CD47: variants seen among roughly 807,000 people sequenced by gnomAD.
CD47 encodes the protein CD47 molecule.
Under a neutral mutation model 44.6 loss-of-function variants are expected in CD47, and 11 were observed. That is an observed-to-expected ratio of 0.25 (90% CI 0.16 to 0.41). The LOEUF is 0.41. Among genes scored for constraint, CD47 ranks in the 10% least tolerant of loss-of-function variants. The pLI, the probability that CD47 is intolerant of heterozygous loss-of-function variation, is 1.00. For synonymous variants in CD47, 140 were observed against 136.3 expected, an observed-to-expected ratio of 1.03 and a Z score of -0.19; for missense variants, 306 against 386.7, an observed-to-expected ratio of 0.79 and a Z score of 1.75.
chr3:108,086,706 C>T (rs326346), intron 1 of CD47, among the ~76,000 whole-genome samples: 1 of 151,900 alleles, frequency 6.6e-6, no homozygotes, highest in Non-Finnish European at 1.5e-5. Flanking sequence ...CAGGCAGGAA[C>T]AAGGGCAAGG....
chr3:108,090,977 C>G lies in CD47; in HGVS notation c.-69G>C. 8.5e-7 allele frequency: 1 copy of G among 1,172,790 alleles called. No homozygotes were observed. Among genetic ancestry groups the G allele is most frequent in the South Asian group, 1.8e-5 (1 of 56,412 alleles). The allele number at this position is 1,172,790 out of a possible 1,614,324, so 72.6% of individuals were successfully genotyped here. On this transcript the variant is annotated 5_prime_UTR_variant, in exon 1 of 11. Transcript: ENST00000361309. ...GGAGCAGCAGCCGCCGCCGCCGTTA[C>G]AGGCAGGACCGACCGCCGCCGCGCG... is the stretch of plus-strand genomic sequence containing the variant.
rs777288181 is a variant in CD47, at chr3:108,080,010, G to T, written c.381C>A (p.Ile127=). The part of the protein sequence containing the change: ...TELTREGETI[I]ELKYRVVSWF... The stretch of plus-strand genomic sequence containing the variant: ...TCTTACCAACACGATATTTTAGCTC[G>T]ATGATCGTTTCACCTTCTCTGGTTA... Residue 127 remains isoleucine (I), a synonymous_variant, in exon 2 of 11, where the codon ATC becomes ATA. Coordinates refer to ENST00000361309, the MANE Select transcript of CD47 (RefSeq NM_001777.4). The T allele has an allele frequency of 2.9e-5, 47 of 1,607,028 alleles. No homozygotes were observed. The highest frequency in any genetic ancestry group is 3.8e-5 in the Non-Finnish European group (45 of 1,175,434).
At chr3:108,060,006 A>G (rs1056900071) in intron 4 of CD47, among the ~76,000 whole-genome samples, 2 of 152,180 alleles carry the variant, frequency 1.3e-5, no homozygotes, top group African/African-American at 4.8e-5. Flanking sequence ...GGTGTGCTAT[A>G]GTTATTAGGT....
chr3:108,087,826 T>C (rs1217466834), intron 1 of CD47, among the ~76,000 whole-genome samples: 1 of 152,204 alleles, frequency 6.6e-6, no homozygotes, highest in Admixed American at 6.5e-5. Context: ...GATTTCTGTT[T>C]CAACACTGTA....
At chr3:108,072,346 T>C (rs1358158734) in intron 2 of CD47, among the ~76,000 whole-genome samples, 1 of 152,198 alleles carries the variant, frequency 6.6e-6, no homozygotes, top group Non-Finnish European at 1.5e-5. Flanking sequence ...TTTCACTCCA[T>C]AATGATAGCC....
chr3:108,090,823 G>A, intron 1 of CD47, 40 bp downstream of exon 1: 1 of 1,460,060 alleles, frequency 6.8e-7, no homozygotes. Context: ...CGGGGGCGAA[G>A]CGACAGCAGC....
At chr3:108,066,344 G>C (rs4533660) in intron 3 of CD47, among the ~76,000 whole-genome samples, 1 of 152,150 alleles carries the variant, frequency 6.6e-6, no homozygotes, top group African/African-American at 2.4e-5. Context: ...ATGAATTCCA[G>C]TTACCATGGT....
chr3:108,067,698 T>C (rs1008947612), intron 3 of CD47, among the ~76,000 whole-genome samples: 3 of 152,220 alleles, frequency 2.0e-5, no homozygotes, highest in African/African-American at 7.2e-5. Context: ...GCTTAAAAGT[T>C]CCTAAGTTAA....
At chr3:108,067,437 T>G (rs1387747356) in intron 3 of CD47, among the ~76,000 whole-genome samples, 2 of 152,186 alleles carry the variant, frequency 1.3e-5, no homozygotes, top group Non-Finnish European at 2.9e-5. Flanking sequence ...TGTTAGCCAG[T>G]TCTTTACATA....
Position 108,047,129 on chromosome 3 carries a change from TTAAC to T in CD47, c.*155_*158del, listed in dbSNP as rs546474566. On this transcript the variant is annotated 3_prime_UTR_variant, in exon 11 of 11. Transcript: ENST00000361309. ...AATTACAGCTGCTTTGAATAAAAAC[TTAAC>T]TAACAATCACGTAAGGGTCTCATAG... 2.1e-5 allele frequency: 10 copies of T among 467,326 alleles called. No homozygotes were observed. Among genetic ancestry groups the T allele is most frequent in the Non-Finnish European group, 3.8e-5 (10 of 260,074 alleles). 28.9% of individuals were successfully genotyped at this position (467,326 alleles called of 1,614,324 possible).
chr3:108,085,818 T>C (rs2079509754), intron 1 of CD47, among the ~76,000 whole-genome samples: 1 of 152,088 alleles, frequency 6.6e-6, no homozygotes, highest in African/African-American at 2.4e-5. Context: ...CTAAAAATCA[T>C]GTGGGAGAAG....
chr3:108,044,415 C>CAAAAAAAAAAAAA lies in CD47; in HGVS notation c.*2860_*2872dup, dbSNP rs55777019. On this transcript the variant is annotated 3_prime_UTR_variant, in exon 11 of 11. Coordinates refer to ENST00000361309, the MANE Select transcript of CD47 (RefSeq NM_001777.4). ...GGTTTTTAGAGCATGTGAAATTAGT[C>CAAAAAAAAAAAAA]AAAAAAAAAAAAAAAAAAAAAAAAA... 8.8e-5 allele frequency: 3 copies of CAAAAAAAAAAAAA among 34,126 alleles called. No homozygotes were observed. The highest frequency in any genetic ancestry group is 1.3e-4 in the Non-Finnish European group (2 of 15,938). 2.1% of individuals were successfully genotyped at this position (34,126 alleles called of 1,614,324 possible). A position where few individuals can be genotyped will look rare whatever the true frequency, so the allele number is the denominator to read the frequency against.
chr3:108,085,157 T>G (rs1035128960), intron 1 of CD47, among the ~76,000 whole-genome samples: 20 of 152,118 alleles, frequency 1.3e-4, no homozygotes, highest in Admixed American at 5.2e-4. Flanking sequence ...TGCAATTCCA[T>G]GACTATGCAA....
chr3:108,060,877 A>C, intron 3 of CD47, 25 bp from the exon 4 acceptor site: 1 of 1,463,702 alleles, frequency 6.8e-7, no homozygotes, highest in Admixed American at 1.7e-5. Flanking sequence ...ACAAAGAATT[A>C]TATGAACTCA....
At chr3:108,090,501 C>T (rs923969449) in intron 1 of CD47, among the ~76,000 whole-genome samples, 4 of 152,184 alleles carry the variant, frequency 2.6e-5, no homozygotes, top group African/African-American at 9.7e-5. Flanking sequence ...AAGGGGATCC[C>T]TAGCAGCTGC....
intron 3 of CD47, among the ~76,000 whole-genome samples, chr3:108,069,893 TA>T (rs2079168196): frequency 6.6e-6 from 1 of 152,162 alleles, no homozygotes; most frequent in African/African-American, 2.4e-5. Flanking sequence ...TTTCTTGACA[TA>T]AAAAACTAAG....
At chr3:108,067,292 T>C (rs998571517) in intron 3 of CD47, among the ~76,000 whole-genome samples, 1 of 152,234 alleles carries the variant, frequency 6.6e-6, no homozygotes, top group Non-Finnish European at 1.5e-5. Flanking sequence ...ATCATGAAGA[T>C]TGTTTTGCAG....
intron 2 of CD47, among the ~76,000 whole-genome samples, chr3:108,073,909 T>C (rs1313303524): frequency 1.3e-5 from 2 of 152,096 alleles, no homozygotes; most frequent in Non-Finnish European, 2.9e-5. Flanking sequence ...TAACAGGGAA[T>C]TGCTCCAAAG....
intron 2 of CD47, among the ~76,000 whole-genome samples, chr3:108,077,736 A>G (rs2079335884): frequency 6.6e-6 from 1 of 152,156 alleles, no homozygotes; most frequent in Non-Finnish European, 1.5e-5. Context: ...GGAAAAAAGA[A>G]CTATTGATAG....
Sources: gnomAD v4.1 joint callset for allele counts (sites outside exome capture counted in the v4.1 genomes callset) on GRCh38, gnomAD v4.1.1 for gene constraint, MANE v1.5 for transcripts, NCBI Gene and HGNC (gene_info 2026-07-23, HGNC 2026-07-21) for gene names.